Variants in EXOSC7 observed in about 807,000 individuals in gnomAD.
EXOSC7 encodes the protein exosome component 7.
Under a neutral mutation model 34.3 loss-of-function variants are expected in EXOSC7, and 25 were observed. That is an observed-to-expected ratio of 0.73 (90% CI 0.53 to 1.02). The LOEUF is 1.02. EXOSC7 is among the 50% of genes least tolerant of loss of function. The pLI, the probability that EXOSC7 is intolerant of heterozygous loss-of-function variation, is 0.00. For missense variants in EXOSC7, 370 were observed against 368.5 expected (o/e 1.00, Z -0.03); for synonymous variants, 130 against 143.0 (o/e 0.91, Z 0.65).
At chr3:44,979,094 C>T (rs1329957517) in intron 1 of EXOSC7, among the ~76,000 whole-genome samples, 1 of 152,162 alleles carries the variant, frequency 6.6e-6, no homozygotes, top group Admixed American at 6.5e-5. Flanking sequence ...TTCAAATCAA[C>T]GTCTTCATAA....
chr3:45,004,776 A>G (rs1706987213), intron 5 of EXOSC7: 1 of 151,524 alleles, frequency 6.6e-6, no homozygotes. Context: ...TTTAATAGGA[A>G]TTCTTTATGT....
At chr3:45,001,729 T>C in intron 5 of EXOSC7, 121 bp downstream of exon 5, 1 of 722,286 alleles carries the variant, frequency 1.4e-6, no homozygotes, top group Non-Finnish European at 2.5e-6. Flanking sequence ...GTTTTAACAT[T>C]GAAAATGGTG....
chr3:44,989,698 A>G (rs1448272425), intron 3 of EXOSC7, 54 bp downstream of exon 3: 1 of 1,394,472 alleles, frequency 7.2e-7, no homozygotes, highest in Non-Finnish European at 1.0e-6. Flanking sequence ...AAAGATGAAG[A>G]TTCAGAAAAT....
In EXOSC7 at chr3:44,976,333, A is replaced by G. The variant is rs1310012339; in HGVS notation, c.56A>G (p.Gln19Arg). 22 of 1,570,612 alleles carry G rather than the reference A, an allele frequency of 1.4e-5. No homozygotes were observed. The highest frequency in any genetic ancestry group is 1.9e-5 in the Non-Finnish European group (22 of 1,164,064). ...AEKVYIVHGV[Q>R]EDLRVDGRGC... ...AAGGTGTACATCGTGCATGGCGTCC[A>G]GGTAGCTACAGCAGCGGCGTTGGGT... is the stretch of plus-strand genomic sequence containing the variant. Residue 19 changes from glutamine to arginine, a missense_variant and splice_region_variant, in exon 1 of 8, where the codon CAG becomes CGG. Gln to Arg is a conservative substitution (Grantham distance 43, BLOSUM62 1). Transcript: ENST00000265564.
downstream of EXOSC7, chr3:45,011,517 T>C (rs1697286257): frequency 2.0e-6 from 1 of 499,930 alleles, no homozygotes; most frequent in African/African-American, 2.0e-5. Context: ...AAGGCACCAT[T>C]CAGTGACCCA....
rs143487308 is a variant in EXOSC7, at chr3:44,979,521, C to T, written c.57+3187C>T. On this transcript the variant is annotated intron_variant, in intron 1 of 7. Coordinates refer to ENST00000265564, the MANE Select transcript of EXOSC7 (RefSeq NM_015004.4). ...TTGCTAGTAATGGTAACCAACACAT[C>T]GGCTCAAGCAAAACAGTATGGATTA... is the stretch of plus-strand genomic sequence containing the variant. Among the ~76,000 whole-genome samples, 1,123 of 152,102 alleles carry T rather than the reference C, an allele frequency of 7.4e-3. 12 individuals are homozygous for T. The highest frequency in any genetic ancestry group is 0.024 in the Middle Eastern group (7 of 294).
chr3:44,984,291 C>T (rs1706348331), intron 1 of EXOSC7, among the ~76,000 whole-genome samples: 1 of 152,072 alleles, frequency 6.6e-6, no homozygotes. Context: ...GGCAACATAG[C>T]AAGACCCCAT....
chr3:45,006,188 C>T (rs1259278432), intron 6 of EXOSC7, among the ~76,000 whole-genome samples: 1 of 139,724 alleles, frequency 7.2e-6, no homozygotes, highest in Non-Finnish European at 1.5e-5. Flanking sequence ...AGCAATTCTT[C>T]TGCCTCAGCC....
intron 1 of EXOSC7, among the ~76,000 whole-genome samples, chr3:44,980,759 G>C (rs1706250282): frequency 6.6e-6 from 1 of 152,158 alleles, no homozygotes; most frequent in Non-Finnish European, 1.5e-5. Context: ...TTTTTCTAGA[G>C]CTTAAATAGT....
chr3:45,005,493 ATAAGT>A, intron 6 of EXOSC7, 79 bp downstream of exon 6: 2 of 1,460,292 alleles, frequency 1.4e-6, no homozygotes, highest in East Asian at 2.3e-5. Context: ...AGGTTACTTA[ATAAGT>A]TAAGAAGTTG....
chr3:44,995,340 T>C (rs1706693808), intron 3 of EXOSC7, among the ~76,000 whole-genome samples: 1 of 152,224 alleles, frequency 6.6e-6, no homozygotes, highest in African/African-American at 2.4e-5. Context: ...TGGGAAGCTC[T>C]ATAAATCATC....
chr3:44,994,174 G>C (rs1706651489), intron 3 of EXOSC7, among the ~76,000 whole-genome samples: 1 of 151,626 alleles, frequency 6.6e-6, no homozygotes, highest in African/African-American at 2.4e-5. Flanking sequence ...TACCTCCTAG[G>C]GTTGTTGTGA....
intron 1 of EXOSC7, among the ~76,000 whole-genome samples, chr3:44,988,588 G>A (rs369864309): frequency 2.6e-4 from 39 of 152,280 alleles, no homozygotes; most frequent in South Asian, 1.7e-3. Flanking sequence ...CTATGTTCCA[G>A]TAAAACTTAT....
intron 5 of EXOSC7, among the ~76,000 whole-genome samples, chr3:45,003,255 C>T (rs1706931159): frequency 6.6e-6 from 1 of 152,134 alleles, no homozygotes; most frequent in Non-Finnish European, 1.5e-5. Context: ...GGGTAAAGGC[C>T]ACCTGAGGGT....
At chr3:45,007,315 T>C (rs59756259) in intron 6 of EXOSC7, 105 bp from the exon 7 acceptor site, 47,884 of 1,192,672 alleles carry the variant, frequency 0.04, 1,509 homozygotes, top group African/African-American at 0.15. Context: ...GAATGACCAG[T>C]GCAAATACTT....
intron 4 of EXOSC7, among the ~76,000 whole-genome samples, chr3:45,000,067 G>C (rs1033723056): frequency 6.6e-6 from 1 of 152,088 alleles, no homozygotes; most frequent in Non-Finnish European, 1.5e-5. Flanking sequence ...TTTCCCCTCA[G>C]TTCGGTTATT....
intron 1 of EXOSC7, among the ~76,000 whole-genome samples, chr3:44,988,731 TTGTACTC>T (rs1260479162): frequency 6.6e-6 from 1 of 152,244 alleles, no homozygotes; most frequent in African/African-American, 2.4e-5. Flanking sequence ...GTTGAGATGA[TTGTACTC>T]TGTAGCTCTG....
intron 7 of EXOSC7, 151 bp downstream of exon 7, chr3:45,007,726 G>A (rs1005061903): frequency 8.4e-5 from 71 of 850,270 alleles, no homozygotes; most frequent in Non-Finnish European, 1.1e-4. Flanking sequence ...CCAGGGGTCT[G>A]CTGACCTAAT....
intron 4 of EXOSC7, among the ~76,000 whole-genome samples, chr3:45,000,579 A>G (rs1184489843): frequency 6.6e-6 from 1 of 152,256 alleles, no homozygotes; most frequent in Non-Finnish European, 1.5e-5. Context: ...AGTGCACTCA[A>G]CACTTTCGCT....
Sources: gnomAD v4.1 joint callset for allele counts (sites outside exome capture counted in the v4.1 genomes callset) on GRCh38, gnomAD v4.1.1 for gene constraint, MANE v1.5 for transcripts, NCBI Gene and HGNC (gene_info 2026-07-23, HGNC 2026-07-21) for gene names.